RNF146: variants seen among roughly 807,000 people sequenced by gnomAD.
RNF146 encodes the protein ring finger protein 146.
A neutral mutation model predicts 29.7 loss-of-function variants in RNF146; 11 were observed. The ratio of observed to expected loss-of-function variants is 0.37; its 90% CI spans 0.23 to 0.61. The LOEUF (loss-of-function observed/expected upper bound fraction) is 0.61, where lower values mean the gene tolerates loss of function less well. Among genes scored for constraint, RNF146 ranks in the 20% least tolerant of loss-of-function variants. The pLI, the probability that RNF146 is intolerant of heterozygous loss-of-function variation, is 0.66. For missense variants in RNF146, 342 were observed against 438.9 expected (o/e 0.78, Z 1.97); for synonymous variants, 150 against 159.7 (o/e 0.94, Z 0.46).
chr6:127,282,122 C>A (rs964043290), intron 2 of RNF146, among the ~76,000 whole-genome samples: 1 of 151,696 alleles, frequency 6.6e-6, no homozygotes, highest in African/African-American at 2.4e-5. Context: ...TTGCACCACA[C>A]AAAAGTGAAT....
intron 2 of RNF146, 66 bp downstream of exon 2, chr6:127,280,406 T>G: frequency 2.0e-6 from 3 of 1,511,878 alleles, no homozygotes; most frequent in South Asian, 1.2e-5. Context: ...TAACGTGTGG[T>G]AAATTGAGTA....
rs747727613 is a variant in RNF146 at position 127,287,181 on chromosome 6, G to A, written c.568G>A (p.Val190Ile). The A allele has an allele frequency of 1.4e-5, 22 of 1,613,160 alleles. No homozygotes were observed. The highest frequency in any genetic ancestry group is 5.0e-5 in the Admixed American group (3 of 59,844). The change falls in exon 3 of 3, where the codon GTA becomes ATA. Residue 190 changes from valine to isoleucine, a missense_variant. Physicochemically the swap from Val to Ile is conservative, Grantham distance 29 (BLOSUM62 3). Around this residue, in one of 6 missense-constraint regions of RNF146, gnomAD observed 196 missense variants for 208.9 expected, o/e 0.94. Transcript: ENST00000368314. ...GLRLDCDANTVNLARESSADG... is the reference protein window; with the variant it reads ...GLRLDCDANTINLARESSADG... The stretch of plus-strand genomic sequence containing the variant: ...TAGGCTAGACTGTGATGCTAATACC[G>A]TAAACCTAGCAAGAGAGAGCTCTGC...
intron 1 of RNF146, among the ~76,000 whole-genome samples, chr6:127,270,972 T>C (rs1424752769): frequency 1.3e-5 from 2 of 151,910 alleles, no homozygotes; most frequent in Non-Finnish European, 2.9e-5. Flanking sequence ...TGCGCCACCA[T>C]GCCCAGCTAA....
chr6:127,287,424 G>A lies in RNF146; in HGVS notation c.811G>A (p.Glu271Lys), dbSNP rs1221561939. The A allele has an allele frequency of 6.2e-7, 1 of 1,613,492 alleles. No homozygotes were observed. The highest frequency in any genetic ancestry group is 1.7e-5 in the Admixed American group (1 of 59,916). ...TAGGGGAGAAGGAGAAGAAGATCATGAATCACCATCTTCAGGCAGGGTACC... is the reference window on the plus strand; with the variant it reads ...TAGGGGAGAAGGAGAAGAAGATCATAAATCACCATCTTCAGGCAGGGTACC... Reference protein sequence around the residue: ...SHRGEGEEDHESPSSGRVPAP... With the variant: ...SHRGEGEEDHKSPSSGRVPAP... Residue 271 changes from glutamate (E) to lysine (K), a missense_variant, in exon 3 of 3, where the codon GAA becomes AAA. By Grantham distance (56) the Glu-to-Lys change is moderately conservative. Coordinates refer to ENST00000368314, the MANE Select transcript of RNF146 (RefSeq NM_001242850.2).
chr6:127,274,848 C>A (rs1777981436), intron 1 of RNF146, among the ~76,000 whole-genome samples: 1 of 152,100 alleles, frequency 6.6e-6, no homozygotes. Flanking sequence ...GTGGTAGGAG[C>A]ATCACATGAG....
chr6:127,285,904 C>T (rs1779454047), intron 2 of RNF146: 2 of 460,786 alleles, frequency 4.3e-6, no homozygotes, highest in Non-Finnish European at 6.9e-6. Flanking sequence ...TCTTTAGACC[C>T]ATCAGTACTT....
At chr6:127,283,886 C>A (rs965400934) in intron 2 of RNF146, among the ~76,000 whole-genome samples, 5 of 151,746 alleles carry the variant, frequency 3.3e-5, no homozygotes, top group Non-Finnish European at 5.9e-5. Context: ...GATGATGGAA[C>A]CAAAATACCT....
At chr6:127,281,980 T>C (rs1449023970) in intron 2 of RNF146, among the ~76,000 whole-genome samples, 3 of 151,632 alleles carry the variant, frequency 2.0e-5, no homozygotes, top group African/African-American at 7.3e-5. Flanking sequence ...ATCGATAAAC[T>C]AGGAGGGAGA....
intron 2 of RNF146, among the ~76,000 whole-genome samples, chr6:127,281,835 G>T (rs1778950978): frequency 6.6e-6 from 1 of 151,518 alleles, no homozygotes; most frequent in African/African-American, 2.4e-5. Context: ...AGATGTTGAG[G>T]GGTTAGCTTT....
At chr6:127,267,910 T>C (rs751615267) in intron 1 of RNF146, among the ~76,000 whole-genome samples, 10 of 152,206 alleles carry the variant, frequency 6.6e-5, no homozygotes, top group Non-Finnish European at 1.3e-4. Flanking sequence ...AATGTAAAAT[T>C]GTTTTAAGAG....
chr6:127,287,459 C>G lies in RNF146; in HGVS notation c.846C>G (p.Asp282Glu). ...CTTCAGGCAGGGTACCAGCACCAGACACCTCCATTGAAGAAACTGAATCAG... is the reference window on the plus strand; with the variant it reads ...CTTCAGGCAGGGTACCAGCACCAGAGACCTCCATTGAAGAAACTGAATCAG... ...SPSSGRVPAP[D>E]TSIEETESDA... is the part of the protein sequence containing the mutation. The change falls in exon 3 of 3, where the codon GAC becomes GAG. Residue 282 changes from aspartate (D) to glutamate (E), a missense_variant. Physicochemically the swap from Asp to Glu is conservative, Grantham distance 45. This residue lies in a region of RNF146 where 196 missense variants were observed against 208.9 expected (regional missense o/e 0.94). Coordinates refer to ENST00000368314, the MANE Select transcript of RNF146 (RefSeq NM_001242850.2). 1 of 1,613,434 alleles carries G rather than the reference C, an allele frequency of 6.2e-7. No individual in the cohort carries two copies. Among genetic ancestry groups the G allele is most frequent in the Non-Finnish European group, 8.5e-7 (1 of 1,179,588 alleles).
At chr6:127,269,487 AAAATT>A (rs1328157044) in intron 1 of RNF146, among the ~76,000 whole-genome samples, 1 of 152,222 alleles carries the variant, frequency 6.6e-6, no homozygotes, top group Non-Finnish European at 1.5e-5. Context: ...TGTTTTGAGA[AAAATT>A]AAAGGGTTTA....
At position 127,287,768 on chromosome 6, in the gene RNF146, C is replaced by T. The variant is rs1027861857; in HGVS notation, c.*75C>T. On this transcript the variant is annotated 3_prime_UTR_variant, in exon 3 of 3. Transcript: ENST00000368314. ...ATTTCTGCCCACATAACATTATACT[C>T]ATCCCTAGTAGTGCATTTTGGGAGT... The T allele has an allele frequency of 3.3e-6, 3 of 906,486 alleles. No individual in the cohort carries two copies. Among genetic ancestry groups the T allele is most frequent in the African/African-American group, 1.7e-5 (1 of 59,910 alleles). 56.2% of individuals were successfully genotyped at this position (906,486 alleles called of 1,614,324 possible).
At chr6:127,266,749 A>G (rs984288994), upstream of RNF146, 1 of 152,296 alleles carries the variant, frequency 6.6e-6, no homozygotes, top group South Asian at 2.1e-4. Flanking sequence ...AGACAGGGGC[A>G]GAACGATGAG....
rs1259160202 is a variant in RNF146, at chr6:127,286,604, A to T, written c.3-12A>T. 5.0e-6 allele frequency: 8 copies of T among 1,593,496 alleles called. No individual in the cohort carries two copies. The highest frequency in any genetic ancestry group is 1.4e-5 in the African/African-American group (1 of 73,664). On this transcript the variant is annotated splice_polypyrimidine_tract_variant and intron_variant, in intron 2 of 2. Coordinates refer to ENST00000368314, the MANE Select transcript of RNF146 (RefSeq NM_001242850.2). The surrounding 1 kb of genome is among the most constrained non-coding windows in gnomAD (Gnocchi z 4.6). ...AAAACATGACTTTAATATTATATGT[A>T]TTTTTTCTTAGGATGGCTGGCTGTG... is the stretch of plus-strand genomic sequence containing the variant.
Position 127,287,259 on chromosome 6 carries a change from G to C in RNF146, c.646G>C (p.Val216Leu). Reference sequence around the variant, plus strand: ...GAGTGGAGCTTCTGTTCAGCCCCTAGTGTCTTCTGTAAGGCCCCTAACATC... The same window carrying C: ...GAGTGGAGCTTCTGTTCAGCCCCTACTGTCTTCTGTAAGGCCCCTAACATC... ...AQSGASVQPLVSSVRPLTSVD... is the reference protein window; with the variant it reads ...AQSGASVQPLLSSVRPLTSVD... The change falls in exon 3 of 3, where the codon GTG (valine) becomes CTG (leucine). Residue 216 changes from valine to leucine, a missense_variant. By Grantham distance (32) the Val-to-Leu change is conservative. This residue lies in a region of RNF146 where 196 missense variants were observed against 208.9 expected (regional missense o/e 0.94). Coordinates refer to ENST00000368314, the MANE Select transcript of RNF146 (RefSeq NM_001242850.2). 1 of 1,613,378 alleles carries C rather than the reference G, an allele frequency of 6.2e-7. No individual in the cohort carries two copies. Among genetic ancestry groups the C allele is most frequent in the Non-Finnish European group, 8.5e-7 (1 of 1,179,626 alleles).
At chr6:127,271,198 T>A (rs1277607312) in intron 1 of RNF146, among the ~76,000 whole-genome samples, 2 of 152,192 alleles carry the variant, frequency 1.3e-5, no homozygotes, top group African/African-American at 4.8e-5. Flanking sequence ...AAACATATAT[T>A]AATCCACTGT....
intron 1 of RNF146, among the ~76,000 whole-genome samples, chr6:127,268,213 T>C (rs527984765): frequency 6.6e-6 from 1 of 152,306 alleles, no homozygotes; most frequent in African/African-American, 2.4e-5. Flanking sequence ...CCCCCCCACC[T>C]CGTGTGTGTA....
chr6:127,274,117 T>A (rs1490712091), intron 1 of RNF146, among the ~76,000 whole-genome samples: 1 of 152,142 alleles, frequency 6.6e-6, no homozygotes, highest in Non-Finnish European at 1.5e-5. Flanking sequence ...ATTTAATCAT[T>A]AGTCTTCAAA....
Sources: gnomAD v4.1 joint callset for allele counts (sites outside exome capture counted in the v4.1 genomes callset) on GRCh38, gnomAD v4.1.1 for gene constraint, gnomAD v4.1.1 regional missense constraint, Gnocchi (gnomAD v3.1) non-coding constraint, MANE v1.5 for transcripts, NCBI Gene and HGNC (gene_info 2026-07-23, HGNC 2026-07-21) for gene names.